Variants in PCDHGA10 observed in about 807,000 individuals in gnomAD.
PCDHGA10 encodes the protein protocadherin gamma-A10.
A neutral mutation model predicts 59.5 loss-of-function variants in PCDHGA10; 42 were observed. The observed-to-expected ratio is 0.71, with a 90% CI of 0.55 to 0.91. The LOEUF (loss-of-function observed/expected upper bound fraction) is 0.91, where lower values mean the gene tolerates loss of function less well. Among genes scored for constraint, PCDHGA10 ranks in the 40% least tolerant of loss-of-function variants. PCDHGA10 has a pLI of 0.00. For synonymous variants in PCDHGA10, 511 were observed against 517.2 expected (o/e 0.99, Z 0.16); for missense variants, 1,111 against 1,198.2 (o/e 0.93, Z 1.07).
chr5:141,487,304 C>T lies in PCDHGA10; in HGVS notation c.2437-7503C>T. The T allele has an allele frequency of 6.2e-7, 1 of 1,614,190 alleles. No homozygotes were observed. The highest frequency in any genetic ancestry group is 8.5e-7 in the Non-Finnish European group (1 of 1,180,042). On this transcript the variant is annotated intron_variant, in intron 1 of 3. Transcript: ENST00000398610. This position sits in a 1 kb window ranked among gnomAD's most constrained non-coding sequence, Gnocchi z 5.0. ...TGTCTCCTTTGGCTCATTCGTGGCA[C>T]TACTCTCTAAGTGTCTTCGTGGGGC...
At position 141,431,516 on chromosome 5, in the gene PCDHGA10, G is replaced by C. The variant is rs941913367; in HGVS notation, c.2436+15905G>C. 3.1e-6 allele frequency: 5 copies of C among 1,613,954 alleles called. No homozygotes were observed. In the African/African-American group the frequency reaches 6.7e-5, roughly 22 times the overall value. On this transcript the variant is annotated intron_variant, in intron 1 of 3. Coordinates refer to ENST00000398610, the MANE Select transcript of PCDHGA10 (RefSeq NM_018913.3). This position sits in a 1 kb window ranked among gnomAD's most constrained non-coding sequence, Gnocchi z 4.8. ...GCCCGAGTACCGCGCGAGCGTTCCG[G>C]AGAATCTGGCCTTGGGCACGCAGCT... is the stretch of plus-strand genomic sequence containing the variant.
chr5:141,490,811 A>G lies in PCDHGA10; in HGVS notation c.2437-3996A>G, dbSNP rs750702067. The G allele has an allele frequency of 1.2e-6, 2 of 1,613,918 alleles. No homozygotes were observed. The highest frequency in any genetic ancestry group is 8.5e-7 in the Non-Finnish European group (1 of 1,179,884). On this transcript the variant is annotated intron_variant, in intron 1 of 3. Coordinates refer to ENST00000398610, the MANE Select transcript of PCDHGA10 (RefSeq NM_018913.3). This position sits in a 1 kb window ranked among gnomAD's most constrained non-coding sequence, Gnocchi z 5.4. ...ATCTTTGCCCAGCGTACCTTTGACTATGAATTGCTGCAGATGCTGCAGATT... is the reference window on the plus strand; with the variant it reads ...ATCTTTGCCCAGCGTACCTTTGACTGTGAATTGCTGCAGATGCTGCAGATT...
At chr5:141,473,375 T>C (rs1433212994) in intron 1 of PCDHGA10, among the ~76,000 whole-genome samples, 1 of 152,192 alleles carries the variant, frequency 6.6e-6, no homozygotes, top group African/African-American at 2.4e-5. Flanking sequence ...AATAGCATGG[T>C]CCCTGCCCTC....
In PCDHGA10 at chr5:141,414,137, T is replaced by C; in HGVS notation, c.962T>C (p.Ile321Thr). Residue 321 changes from isoleucine to threonine, a missense_variant, in exon 1 of 4, where the codon ATA becomes ACA. By Grantham distance (89) the Ile-to-Thr change is moderately conservative. Coordinates refer to ENST00000398610, the MANE Select transcript of PCDHGA10 (RefSeq NM_018913.3). ...LDYEETGFYEIEIQAEDGGAY... is the reference protein window; with the variant it reads ...LDYEETGFYETEIQAEDGGAY... ...TATGAAGAAACCGGTTTCTATGAAA[T>C]AGAAATACAAGCAGAAGATGGAGGA... 1 of 1,595,618 alleles carries C rather than the reference T, an allele frequency of 6.3e-7. No homozygotes were observed. Among genetic ancestry groups the C allele is most frequent in the South Asian group, 1.1e-5 (1 of 88,866 alleles).
Position 141,490,778 on chromosome 5 carries a change from A to T in PCDHGA10, c.2437-4029A>T, listed in dbSNP as rs964301520. The T allele has an allele frequency of 5.6e-6, 9 of 1,614,098 alleles. No individual in the cohort carries two copies. The highest frequency in any genetic ancestry group is 7.6e-6 in the Non-Finnish European group (9 of 1,179,962). On this transcript the variant is annotated intron_variant, in intron 1 of 3. Transcript: ENST00000398610. This position sits in a 1 kb window ranked among gnomAD's most constrained non-coding sequence, Gnocchi z 5.4. ...TCCTTTGTGTATGTCAACCCAGAGG[A>T]TGGACGGATCTTTGCCCAGCGTACC... is the stretch of plus-strand genomic sequence containing the variant.
At chr5:141,501,841 C>T (rs2099811330) in intron 2 of PCDHGA10, among the ~76,000 whole-genome samples, 1 of 152,130 alleles carries the variant, frequency 6.6e-6, no homozygotes, top group African/African-American at 2.4e-5. Flanking sequence ...CTGTTTGGCC[C>T]TCAACCTTCA....
chr5:141,460,416 A>C (rs966481039), intron 1 of PCDHGA10, among the ~76,000 whole-genome samples: 1 of 152,138 alleles, frequency 6.6e-6, no homozygotes, highest in African/African-American at 2.4e-5. Flanking sequence ...GTTGATGTTT[A>C]TGTATGGTGT....
At chr5:141,498,796 G>A (rs1160540093) in intron 2 of PCDHGA10, among the ~76,000 whole-genome samples, 1 of 152,032 alleles carries the variant, frequency 6.6e-6, no homozygotes, top group Non-Finnish European at 1.5e-5. Context: ...AGCCAGGTGT[G>A]GTGGTGCACA....
intron 1 of PCDHGA10, among the ~76,000 whole-genome samples, chr5:141,463,239 C>G (rs1012919667): frequency 1.3e-5 from 2 of 151,950 alleles, no homozygotes; most frequent in African/African-American, 4.8e-5. Context: ...CTTTGTGTAG[C>G]TCCATTCTCT....
At chr5:141,428,122 G>T in intron 1 of PCDHGA10, 1 of 1,606,172 alleles carries the variant, frequency 6.2e-7, no homozygotes, top group Non-Finnish European at 8.5e-7. Flanking sequence ...ATCGAGCCCG[G>T]GCTTTTCAGC....
chr5:141,431,416 C>G lies in PCDHGA10; in HGVS notation c.2436+15805C>G, dbSNP rs778722151. 3 of 1,613,596 alleles carry G rather than the reference C, an allele frequency of 1.9e-6. No homozygotes were observed. The highest frequency in any genetic ancestry group is 2.7e-5 in the African/African-American group (2 of 74,954). On this transcript the variant is annotated intron_variant, in intron 1 of 3. Coordinates refer to ENST00000398610, the MANE Select transcript of PCDHGA10 (RefSeq NM_018913.3). The surrounding 1 kb of genome is among the most constrained non-coding windows in gnomAD (Gnocchi z 4.8). ...TCCTTACGGCCTCCGACGGGGGCGA[C>G]CCGGTGCGCACAGGCACCGCGCGCA...
In PCDHGA10 at chr5:141,512,470, T is replaced by G. The variant is rs2099884244; in HGVS notation, c.*1297T>G. On this transcript the variant is annotated 3_prime_UTR_variant, in exon 4 of 4. Transcript: ENST00000398610. ...TTCACCTTGCCAGGTGCCGTTTCTC[T>G]TCCGTGAAGGCCACTGCCCAGGTCC... 6.5e-6 allele frequency: 1 copy of G among 152,892 alleles called. No individual in the cohort carries two copies. The highest frequency in any genetic ancestry group is 2.1e-4 in the South Asian group (1 of 4,834). 9.5% of individuals were successfully genotyped at this position (152,892 alleles called of 1,614,324 possible).
chr5:141,460,142 G>A (rs932507660), intron 1 of PCDHGA10, among the ~76,000 whole-genome samples: 5 of 151,950 alleles, frequency 3.3e-5, no homozygotes, highest in African/African-American at 1.2e-4. Flanking sequence ...TATTCTTGAT[G>A]TGAGCTCTTT....
chr5:141,501,442 T>C (rs1202229661), intron 2 of PCDHGA10, among the ~76,000 whole-genome samples: 1 of 152,016 alleles, frequency 6.6e-6, no homozygotes, highest in African/African-American at 2.4e-5. Context: ...ATTTCTTCCA[T>C]TTTTACTTTT....
chr5:141,439,629 A>G (rs1262264623), intron 1 of PCDHGA10, among the ~76,000 whole-genome samples: 1 of 152,208 alleles, frequency 6.6e-6, no homozygotes, highest in East Asian at 1.9e-4. Flanking sequence ...CAATCCCCAG[A>G]CATTCCGGCT....
rs1001719735 is a variant in PCDHGA10 at position 141,512,055 on chromosome 5, TGAC to T, written c.*883_*885del. 10 of 152,698 alleles carry T rather than the reference TGAC, an allele frequency of 6.5e-5. No homozygotes were observed. The highest frequency in any genetic ancestry group is 1.4e-4 in the African/African-American group (6 of 41,450). 9.5% of individuals were successfully genotyped at this position (152,698 alleles called of 1,614,324 possible). On this transcript the variant is annotated 3_prime_UTR_variant, in exon 4 of 4. Coordinates refer to ENST00000398610, the MANE Select transcript of PCDHGA10 (RefSeq NM_018913.3). ...GAGGCTCTGTATGTCCTCAGGGGACTGACAACATCCTCCAGATTCCAGCCATAA... is the reference window on the plus strand; with the variant it reads ...GAGGCTCTGTATGTCCTCAGGGGACTAACATCCTCCAGATTCCAGCCATAA...
At chr5:141,422,957 A>C in intron 1 of PCDHGA10, 1 of 1,614,190 alleles carries the variant, frequency 6.2e-7, no homozygotes. Flanking sequence ...ACTGGCGTGG[A>C]GCTGGCGCCC....
intron 2 of PCDHGA10, among the ~76,000 whole-genome samples, chr5:141,503,432 TA>T (rs1423418926): frequency 6.6e-6 from 1 of 151,668 alleles, no homozygotes; most frequent in African/African-American, 2.4e-5. Flanking sequence ...CCATCTCTAC[TA>T]AAAATACAAA....
chr5:141,485,887 C>T lies in PCDHGA10; in HGVS notation c.2437-8920C>T. 1 of 1,614,098 alleles carries T rather than the reference C, an allele frequency of 6.2e-7. No homozygotes were observed. On this transcript the variant is annotated intron_variant, in intron 1 of 3. Transcript: ENST00000398610. The surrounding 1 kb of genome is among the most constrained non-coding windows in gnomAD (Gnocchi z 5.7). ...TATCCGTGCTGGACGTAAACGACAA[C>T]GCCCCAGCCTTCCAGCAATCCAGCT...
Sources: allele counts gnomAD v4.1 joint callset (sites outside exome capture counted in the v4.1 genomes callset), GRCh38; gene constraint gnomAD v4.1.1; non-coding constraint Gnocchi (gnomAD v3.1); transcripts MANE v1.5; gene names NCBI Gene and HGNC (gene_info 2026-07-23, HGNC 2026-07-21).